The following FRMPD4 variants were observed in gnomAD, a reference collection of about 807,000 sequenced individuals.
FRMPD4 encodes the protein FERM and PDZ domain containing 4, also known as FERM and PDZ domain-containing protein 4.
Under a neutral mutation model 94.1 loss-of-function variants are expected in FRMPD4, and 22 were observed. That is an observed-to-expected ratio of 0.23 (90% confidence interval 0.17 to 0.33). The LOEUF is 0.33. FRMPD4 is among the 10% of genes least tolerant of loss of function. FRMPD4 has a pLI of 1.00. For missense variants in FRMPD4, 1,111 were observed against 1,339.9 expected (o/e 0.83, Z 2.67); for synonymous variants, 631 against 548.6 (o/e 1.15, Z -2.10).
At chrX:12,676,232 C>T (rs1313211440) in intron 5 of FRMPD4, among the ~76,000 whole-genome samples, 1 of 112,122 alleles carries the variant, frequency 8.9e-6, no homozygotes, top group Non-Finnish European at 1.9e-5. Flanking sequence ...TTGGTCTCCC[C>T]AACTGTCTGA....
intron 2 of FRMPD4, among the ~76,000 whole-genome samples, chrX:11,873,670 T>C (rs1471374727): frequency 2.8e-5 from 3 of 108,131 alleles, no homozygotes; most frequent in Non-Finnish European, 3.8e-5. Flanking sequence ...AACTGATCTA[T>C]AGACTCGACG....
chrX:12,544,547 A>G (rs2058454577), intron 2 of FRMPD4, among the ~76,000 whole-genome samples: 1 of 112,027 alleles, frequency 8.9e-6, no homozygotes, highest in South Asian at 3.8e-4. Flanking sequence ...GCATTCGGGA[A>G]GTGAAAGGCA....
At chrX:12,233,704 C>T (rs987675848) in intron 1 of FRMPD4, among the ~76,000 whole-genome samples, 54 of 111,301 alleles carry the variant, frequency 4.9e-4, no homozygotes, top group Non-Finnish European at 9.8e-4. Context: ...ACTGAAGCTT[C>T]GGTGGAAGAC....
chrX:12,363,741 T>A (rs1479420187), intron 1 of FRMPD4, among the ~76,000 whole-genome samples: 2 of 112,118 alleles, frequency 1.8e-5, no homozygotes, highest in African/African-American at 6.5e-5. Context: ...TACCTTTGAG[T>A]CACCGTTTAT....
intron 1 of FRMPD4, among the ~76,000 whole-genome samples, chrX:12,318,075 TA>T (rs1176848562): frequency 8.9e-6 from 1 of 112,519 alleles, no homozygotes; most frequent in African/African-American, 3.2e-5. Context: ...GATGAATGGA[TA>T]AAGTAAATAT....
intron 3 of FRMPD4, among the ~76,000 whole-genome samples, chrX:11,965,583 A>C (rs1207297116): frequency 8.9e-6 from 1 of 111,839 alleles, no homozygotes; most frequent in Non-Finnish European, 1.9e-5. Context: ...GATTCTGTAA[A>C]TATTTCACTG....
chrX:12,050,286 C>A (rs1214206293), intron 3 of FRMPD4, among the ~76,000 whole-genome samples: 3 of 111,204 alleles, frequency 2.7e-5, no homozygotes, highest in Non-Finnish European at 5.7e-5. Context: ...TATTTTATTC[C>A]ATATTTTACT....
intron 3 of FRMPD4, among the ~76,000 whole-genome samples, chrX:11,942,059 T>C (rs1340182466): frequency 1.8e-5 from 2 of 112,009 alleles, no homozygotes; most frequent in African/African-American, 6.5e-5. Context: ...TGTAATGAAA[T>C]AGCAAGGTCA....
In FRMPD4 at chrX:12,305,732, T is replaced by TTTGTTTTTTTTG. The variant is rs1223566784; in HGVS notation, c.41+166722_41+166723insGTTTTTTTTGTT. On this transcript the variant is annotated intron_variant, in intron 1 of 16. Transcript: ENST00000675598. ...ACCACCACAGCTGGCTAAGTTTTTT[T>TTTGTTTTTTTTG]TTTTTTTTTTTTTTTACAGAGACAG... 7.4e-5 allele frequency among the ~76,000 whole-genome samples: 7 copies of TTTGTTTTTTTTG among 94,180 alleles called. 1 individual carries two copies. The highest frequency in any genetic ancestry group is 2.4e-4 in the African/African-American group (6 of 25,151). The allele number at this position is 94,180 out of a possible 115,157, so 81.8% of individuals were successfully genotyped here.
chrX:11,848,657 G>A (rs545338093), intron 1 of FRMPD4, among the ~76,000 whole-genome samples: 5 of 110,318 alleles, frequency 4.5e-5, no homozygotes, highest in African/African-American at 1.3e-4. Context: ...TATGTAGGGT[G>A]CTCATCAAGC....
At chrX:11,888,395 G>A (rs910189419) in intron 3 of FRMPD4, among the ~76,000 whole-genome samples, 2 of 111,843 alleles carry the variant, frequency 1.8e-5, no homozygotes, top group African/African-American at 6.5e-5. Flanking sequence ...ATAACCTTGT[G>A]TCTTCACAAT....
At chrX:11,829,758 T>C (rs554038224) in intron 1 of FRMPD4, among the ~76,000 whole-genome samples, 2 of 111,972 alleles carry the variant, frequency 1.8e-5, no homozygotes, top group Non-Finnish European at 3.8e-5. Context: ...GTCATGTCAC[T>C]GAGAAAGCAA....
chrX:12,701,740 T>C (rs1205452823), intron 9 of FRMPD4, 134 bp from the exon 10 acceptor site: 1 of 595,524 alleles, frequency 1.7e-6, no homozygotes, highest in Non-Finnish European at 2.7e-6. Flanking sequence ...ACGGTGGAGA[T>C]GTTTCCACAT....
intron 6 of FRMPD4, among the ~76,000 whole-genome samples, chrX:12,684,323 G>A (rs1464899013): frequency 1.8e-5 from 2 of 112,259 alleles, no homozygotes; most frequent in East Asian, 5.5e-4. Context: ...TGTTGGTATT[G>A]TTTAAATAAA....
chrX:11,961,084 G>A (rs1197293260), intron 3 of FRMPD4, among the ~76,000 whole-genome samples: 1 of 111,228 alleles, frequency 9.0e-6, no homozygotes, highest in African/African-American at 3.3e-5. Context: ...TTCTTTGATC[G>A]TACAAATTTC....
chrX:11,837,618 C>T (rs188588482), intron 1 of FRMPD4, among the ~76,000 whole-genome samples: 1 of 111,381 alleles, frequency 9.0e-6, no homozygotes, highest in African/African-American at 3.3e-5. Context: ...CCAGTGTGTC[C>T]CCTCGTTCTG....
chrX:12,682,807 T>G (rs1456222061), intron 5 of FRMPD4, among the ~76,000 whole-genome samples: 1 of 111,798 alleles, frequency 8.9e-6, no homozygotes, highest in East Asian at 2.8e-4. Flanking sequence ...GAGAGAATCA[T>G]AAAGCACAAA....
At chrX:12,071,008 G>A (rs1316672095) in intron 3 of FRMPD4, among the ~76,000 whole-genome samples, 1 of 111,830 alleles carries the variant, frequency 8.9e-6, no homozygotes, top group Admixed American at 9.5e-5. Context: ...TTATTTCACA[G>A]GATTTATGAG....
At chrX:11,835,724 C>T (rs1176122536) in intron 1 of FRMPD4, among the ~76,000 whole-genome samples, 3 of 112,023 alleles carry the variant, frequency 2.7e-5, no homozygotes, top group African/African-American at 9.7e-5. Flanking sequence ...TGGCTGTTTT[C>T]CCCAGTTTTT....
Sources: gnomAD v4.1 joint callset for allele counts (sites outside exome capture counted in the v4.1 genomes callset) on GRCh38, gnomAD v4.1.1 for gene constraint, MANE v1.5 for transcripts, NCBI Gene and HGNC (gene_info 2026-07-23, HGNC 2026-07-21) for gene names.